Variants in TSPEAR observed in about 807,000 individuals in gnomAD.
TSPEAR encodes thrombospondin-type laminin G domain and EAR repeat-containing protein.
A neutral mutation model predicts 71.6 loss-of-function variants in TSPEAR; 69 were observed. That is an observed-to-expected ratio of 0.96 (90% CI 0.79 to 1.18). The LOEUF (loss-of-function observed/expected upper bound fraction) is 1.18. Among genes scored for constraint, TSPEAR ranks in the 50% most tolerant of loss-of-function variants. The pLI is 0.00. For synonymous variants in TSPEAR, 402 were observed against 387.2 expected (o/e 1.04, Z -0.45); for missense variants, 971 against 894.9 (o/e 1.09, Z -1.09).
At chr21:44,589,860 C>T (rs929918239) in intron 1 of TSPEAR, among the ~76,000 whole-genome samples, 10 of 152,208 alleles carry the variant, frequency 6.6e-5, no homozygotes, top group African/African-American at 2.4e-4. Flanking sequence ...GTGTGGGGAG[C>T]CCCTCCCCAG....
rs797025291 is a variant in TSPEAR, at chr21:44,689,505, TA to T, written c.82+21927del. Among the ~76,000 whole-genome samples, 798 of 117,262 alleles carry T rather than the reference TA, an allele frequency of 6.8e-3. 5 individuals carry two copies. The highest frequency in any genetic ancestry group is 0.018 in the African/African-American group (579 of 31,790). The allele number at this position is 117,262 out of a possible 152,430, so 76.9% of individuals were successfully genotyped here. The stretch of plus-strand genomic sequence containing the variant: ...CGACAGAGCGAGACTCCATCTCGAA[TA>T]AAAAAAAAAAAAGTCCTAAATACAC... On this transcript the variant is annotated intron_variant, in intron 1 of 11. Transcript: ENST00000323084.
intron 1 of TSPEAR, chr21:44,600,546 C>T: frequency 4.6e-6 from 7 of 1,509,710 alleles, no homozygotes; most frequent in Non-Finnish European, 6.3e-6. Context: ...CATCCCTGAG[C>T]ACCTAACACA....
At chr21:44,548,972 C>A (rs1407530794) in intron 2 of TSPEAR, among the ~76,000 whole-genome samples, 1 of 152,210 alleles carries the variant, frequency 6.6e-6, no homozygotes, top group Non-Finnish European at 1.5e-5. Flanking sequence ...AGACAAAGGA[C>A]TTTTTAGCAA....
chr21:44,621,447 G>A (rs587656004), intron 1 of TSPEAR, among the ~76,000 whole-genome samples: 5 of 152,246 alleles, frequency 3.3e-5, no homozygotes, highest in Non-Finnish European at 5.9e-5. Context: ...CCCAGCCCCC[G>A]CCGATCAGTC....
chr21:44,627,898 T>C, intron 1 of TSPEAR: 6 of 1,612,010 alleles, frequency 3.7e-6, no homozygotes, highest in South Asian at 2.2e-5. Context: ...CAGGCCCGCC[T>C]GCTGCGTGCC....
intron 1 of TSPEAR, among the ~76,000 whole-genome samples, chr21:44,700,760 C>G (rs17285396): frequency 1.3e-5 from 2 of 152,176 alleles, no homozygotes; most frequent in Admixed American, 6.5e-5. Flanking sequence ...TCAGGTGTCA[C>G]TGTTAAGCCT....
intron 1 of TSPEAR, among the ~76,000 whole-genome samples, chr21:44,656,340 C>T (rs1454602756): frequency 2.6e-5 from 4 of 152,366 alleles, no homozygotes; most frequent in South Asian, 2.1e-4. Context: ...CATCCGTGCA[C>T]GTCACCTGCA....
intron 1 of TSPEAR, among the ~76,000 whole-genome samples, chr21:44,674,308 TA>T (rs370515699): frequency 8.4e-5 from 12 of 143,198 alleles, no homozygotes; most frequent in African/African-American, 1.8e-4. Flanking sequence ...TTTAAAAAGA[TA>T]AAAAAAAATC....
chr21:44,689,710 TGA>T (rs71826545), intron 1 of TSPEAR, among the ~76,000 whole-genome samples: 3,728 of 74,454 alleles, frequency 0.05, 456 homozygotes, highest in African/African-American at 0.085. Context: ...CAGAATAGAA[TGA>T]ATATATATAT....
At chr21:44,647,228 G>C (rs1555940323) in intron 1 of TSPEAR, 1 of 1,606,192 alleles carries the variant, frequency 6.2e-7, no homozygotes, top group East Asian at 2.3e-5. Flanking sequence ...TCCTCCTGCT[G>C]TGCCCCCACC....
intron 9 of TSPEAR, among the ~76,000 whole-genome samples, chr21:44,511,904 C>T (rs1318591553): frequency 1.3e-5 from 2 of 152,274 alleles, no homozygotes; most frequent in Non-Finnish European, 2.9e-5. Flanking sequence ...CTGAGCCGGG[C>T]ATCACATCTC....
chr21:44,709,116 C>T (rs1024447559), intron 1 of TSPEAR, among the ~76,000 whole-genome samples: 7 of 152,312 alleles, frequency 4.6e-5, no homozygotes, highest in South Asian at 2.1e-4. Context: ...CCCACCCAGC[C>T]CCCCAGAGCC....
At chr21:44,682,785 A>C (rs1986668464) in intron 1 of TSPEAR, among the ~76,000 whole-genome samples, 1 of 152,208 alleles carries the variant, frequency 6.6e-6, no homozygotes, top group Non-Finnish European at 1.5e-5. Context: ...CACCAGCCGG[A>C]GTCAGAGCAG....
chr21:44,524,448 T>C (rs587754592), intron 8 of TSPEAR, among the ~76,000 whole-genome samples: 18 of 149,526 alleles, frequency 1.2e-4, no homozygotes, highest in South Asian at 4.3e-4. Context: ...GTCAGTTAGT[T>C]AGTCAGCCAG....
intron 2 of TSPEAR, among the ~76,000 whole-genome samples, chr21:44,535,418 C>T (rs781906357): frequency 1.9e-4 from 29 of 152,132 alleles, no homozygotes; most frequent in Non-Finnish European, 3.4e-4. Context: ...AGTGATTAAG[C>T]CTGAAAGGTA....
intron 1 of TSPEAR, among the ~76,000 whole-genome samples, chr21:44,704,292 G>A (rs1212148623): frequency 6.6e-6 from 1 of 152,016 alleles, no homozygotes; most frequent in Non-Finnish European, 1.5e-5. Context: ...GGAACACGGG[G>A]TGAGAGAAGC....
chr21:44,531,351 C>T (rs1020888727), intron 3 of TSPEAR, among the ~76,000 whole-genome samples: 20 of 152,200 alleles, frequency 1.3e-4, no homozygotes, highest in African/African-American at 4.6e-4. Context: ...CAGAGGAGGA[C>T]GCTTCCTCGA....
At position 44,551,467 on chromosome 21, in the gene TSPEAR, G is replaced by A. The variant is rs373671103; in HGVS notation, c.303+16318C>T. On this transcript the variant is annotated intron_variant, in intron 2 of 11. Coordinates refer to ENST00000323084, the MANE Select transcript of TSPEAR (RefSeq NM_144991.3). ...ATGGTGGAGGCGGCCATGCTGGAGTGGGGAGGAGGTGAGCTGGGGGAGGTG... is the reference window on the plus strand; with the variant it reads ...ATGGTGGAGGCGGCCATGCTGGAGTAGGGAGGAGGTGAGCTGGGGGAGGTG... The A allele has an allele frequency of 8.4e-5, 134 of 1,601,660 alleles. 2 individuals are homozygous for A. Among genetic ancestry groups the A allele is most frequent in the Admixed American group, 7.4e-4 (44 of 59,608 alleles).
chr21:44,591,440 A>G (rs1979824085), intron 1 of TSPEAR: 1 of 1,613,902 alleles, frequency 6.2e-7, no homozygotes, highest in Admixed American at 1.7e-5. Flanking sequence ...GGGCGGGAGC[A>G]CATGGGGCGG....
Sources: gnomAD v4.1 joint callset for allele counts (sites outside exome capture counted in the v4.1 genomes callset) on GRCh38, gnomAD v4.1.1 for gene constraint, MANE v1.5 for transcripts, NCBI Gene and HGNC (gene_info 2026-07-23, HGNC 2026-07-21) for gene names.